Variants in YY1AP1 observed in about 807,000 individuals in gnomAD.
The protein encoded by YY1AP1 is YY1-associated protein 1.
In YY1AP1, 43 loss-of-function variants were observed where a neutral mutation model predicts 39.9. The observed-to-expected ratio is 1.08, with a 90% CI of 0.84 to 1.39. YY1AP1 has a LOEUF of 1.39. Ranked by LOEUF, YY1AP1 falls within the 40% of genes most tolerant of loss-of-function variation. The probability of loss-of-function intolerance (pLI) is 0.00; values close to 1 mark genes in which losing one functional copy is unlikely to be tolerated. For synonymous variants in YY1AP1, 292 were observed against 331.3 expected (o/e 0.88, Z 1.29); for missense variants, 813 against 900.7 (o/e 0.90, Z 1.25).
chr1:155,678,898 T>TA (rs1225053579), intron 4 of YY1AP1, among the ~76,000 whole-genome samples: 4 of 152,190 alleles, frequency 2.6e-5, no homozygotes, highest in African/African-American at 9.7e-5. Context: ...AGGAAAAAAT[T>TA]AAAGCCTCTA....
In YY1AP1 at chr1:155,661,338, C is replaced by G. The variant is rs953442771; in HGVS notation, c.965G>C (p.Arg322Thr). ...CCAGAATGGGAGCCGGTGTTCTTCT[C>G]TCTCTATAGGTGGCTTCCACTGATG... ...QPHQWKPPIE[R>T]EEHRLPFWLK... The change falls in exon 10 of 11, where the codon AGA becomes ACA. Residue 322 changes from arginine to threonine, a missense_variant. Arg to Thr is a moderately conservative substitution (Grantham distance 71). Around this residue, in one of 3 missense-constraint regions of YY1AP1, gnomAD observed 586 missense variants for 647.4 expected, o/e 0.91. Transcript: ENST00000355499. 1.9e-5 allele frequency: 30 copies of G among 1,613,904 alleles called. No individual in the cohort carries two copies. The highest frequency in any genetic ancestry group is 2.5e-5 in the Non-Finnish European group (30 of 1,179,852).
At chr1:155,680,036 G>C (rs34620961) in intron 3 of YY1AP1, 59,926 of 229,146 alleles carry the variant, frequency 0.26, 9,133 homozygotes, top group East Asian at 0.7. Context: ...AATTAGCCGG[G>C]CCTGTAGGTG....
intron 2 of YY1AP1, among the ~76,000 whole-genome samples, chr1:155,685,006 C>T (rs533267454): frequency 9.2e-5 from 14 of 152,094 alleles, no homozygotes; most frequent in African/African-American, 3.4e-4. Context: ...GTATGTATAC[C>T]CAAAAATGAC....
intron 9 of YY1AP1, among the ~76,000 whole-genome samples, chr1:155,661,820 T>G (rs1315205544): frequency 6.6e-6 from 1 of 152,132 alleles, no homozygotes; most frequent in African/African-American, 2.4e-5. Flanking sequence ...CACACCCGGC[T>G]GATTTTTTTG....
intron 4 of YY1AP1, 89 bp downstream of exon 4, chr1:155,679,320 A>T (rs1463562612): frequency 6.3e-7 from 1 of 1,585,860 alleles, no homozygotes; most frequent in Non-Finnish European, 8.6e-7. Context: ...CTGGCTGGGG[A>T]TGAAAAATTG....
At chr1:155,678,360 A>C (rs1427664985) in intron 4 of YY1AP1, among the ~76,000 whole-genome samples, 2 of 152,350 alleles carry the variant, frequency 1.3e-5, no homozygotes, top group Non-Finnish European at 2.9e-5. Flanking sequence ...GAATACCAGA[A>C]GGTAACTGGA....
Position 155,675,059 on chromosome 1 carries a change from G to A in YY1AP1, c.362C>T (p.Thr121Ile). ...QLLTQIHLLA[T>I]CNPNLNPEAS... ...CTCCGGATTGAGATTGGGGTTGCAG[G>A]TGGCAAGAAGGTGGATTTGTGTCAA... The change falls in exon 6 of 11, where the codon ACC becomes ATC. Residue 121 changes from threonine (T) to isoleucine (I), a missense_variant. Thr to Ile is a moderately conservative substitution (Grantham distance 89). Transcript: ENST00000355499. 6.2e-7 allele frequency: 1 copy of A among 1,613,858 alleles called. No homozygotes were observed. Among genetic ancestry groups the A allele is most frequent in the Non-Finnish European group, 8.5e-7 (1 of 1,179,840 alleles).
At chr1:155,666,999 C>CA (rs141699796) in intron 9 of YY1AP1, among the ~76,000 whole-genome samples, 2,628 of 151,512 alleles carry the variant, frequency 0.017, 87 homozygotes, top group African/African-American at 0.061. Flanking sequence ...GATTCTGTCT[C>CA]AAAAAAATAA....
At chr1:155,673,760 C>T (rs1650198258) in intron 6 of YY1AP1, among the ~76,000 whole-genome samples, 1 of 151,660 alleles carries the variant, frequency 6.6e-6, no homozygotes. Context: ...ACTATGTTGC[C>T]CAGGCTGGTC....
Position 155,659,886 on chromosome 1 carries a change from A to G in YY1AP1, c.2024T>C (p.Val675Ala). ...SPLSATVFPK[V>A]EHSPGPPPVD... ...TGGTGGAGGCCCTGGGCTATGTTCC[A>G]CTTTGGGGAAAACAGTAGCAGAGAG... Residue 675 changes from valine to alanine, a missense_variant, in exon 11 of 11, where the codon GTG becomes GCG. Val to Ala is a moderately conservative substitution (Grantham distance 64, BLOSUM62 0). Coordinates refer to ENST00000355499, the MANE Select transcript of YY1AP1 (RefSeq NM_139119.3). The G allele has an allele frequency of 6.2e-7, 1 of 1,614,164 alleles. No homozygotes were observed. Among genetic ancestry groups the G allele is most frequent in the East Asian group, 2.2e-5 (1 of 44,896 alleles).
chr1:155,679,691 A>G (rs1651250817), intron 3 of YY1AP1, 179 bp from the exon 4 acceptor site: 4 of 985,452 alleles, frequency 4.1e-6, no homozygotes, highest in Non-Finnish European at 4.8e-6. Context: ...TGGAATGACT[A>G]TTATGCCAGG....
intron 2 of YY1AP1, among the ~76,000 whole-genome samples, chr1:155,684,219 G>C (rs531045941): frequency 6.6e-6 from 1 of 152,262 alleles, no homozygotes; most frequent in South Asian, 2.1e-4. Flanking sequence ...TTGTACTCCA[G>C]CCTGGGCGAG....
At chr1:155,672,852 C>T (rs1571339530) in intron 6 of YY1AP1, 121 bp from the exon 7 acceptor site, 1 of 1,365,240 alleles carries the variant, frequency 7.3e-7, no homozygotes, top group Non-Finnish European at 1.0e-6. Context: ...TAAAAATAAT[C>T]ATAAAGTCTT....
intron 2 of YY1AP1, among the ~76,000 whole-genome samples, chr1:155,682,607 T>C (rs6672128): frequency 0.38 from 57,960 of 151,028 alleles, 13,024 homozygotes; most frequent in East Asian, 0.69. Context: ...GTGATCCACC[T>C]GCCTCAGCCT....
Position 155,659,925 on chromosome 1 carries a change from T to C in YY1AP1, c.1985A>G (p.Gln662Arg). ...FQGLEPKLEP[Q>R]ELSPLSATVF... Reference sequence around the variant, plus strand: ...AGTAGCAGAGAGAGGAGATAGTTCCTGGGGCTCTAATTTGGGTTCTAGGCC... The same window carrying C: ...AGTAGCAGAGAGAGGAGATAGTTCCCGGGGCTCTAATTTGGGTTCTAGGCC... The change falls in exon 11 of 11, where the codon CAG becomes CGG. Residue 662 changes from glutamine to arginine, a missense_variant. Around this residue, in one of 3 missense-constraint regions of YY1AP1, gnomAD observed 586 missense variants for 647.4 expected, o/e 0.91. Transcript: ENST00000355499. 6.2e-7 allele frequency: 1 copy of C among 1,614,240 alleles called. No individual in the cohort carries two copies. The highest frequency in any genetic ancestry group is 8.5e-7 in the Non-Finnish European group (1 of 1,180,042).
intron 5 of YY1AP1, among the ~76,000 whole-genome samples, chr1:155,675,867 C>T (rs113334800): frequency 0.037 from 5,623 of 152,230 alleles, 149 homozygotes; most frequent in Non-Finnish European, 0.049. Context: ...CAGACATGTT[C>T]CCTTGAACAA....
chr1:155,678,460 C>T (rs945867446), intron 4 of YY1AP1, among the ~76,000 whole-genome samples: 3 of 152,142 alleles, frequency 2.0e-5, no homozygotes, highest in Non-Finnish European at 4.4e-5. Flanking sequence ...ATTTATTAAT[C>T]AGATCCTATT....
chr1:155,670,415 T>C lies in YY1AP1; in HGVS notation c.633A>G (p.Thr211=), dbSNP rs1042846364. Residue 211 remains threonine, a synonymous_variant, in exon 8 of 11, where the codon ACA becomes ACG. Coordinates refer to ENST00000355499, the MANE Select transcript of YY1AP1 (RefSeq NM_139119.3). ...ACTCTGGATACATGAAAACCTTGCT[T>C]GTGGCCAGGATCCAAGCCACTTGCT... ...LPKQVAWILA[T]SKVFMYPELL... The C allele has an allele frequency of 6.2e-7, 1 of 1,614,190 alleles. No individual in the cohort carries two copies. Among genetic ancestry groups the C allele is most frequent in the Admixed American group, 1.7e-5 (1 of 60,022 alleles).
At chr1:155,680,535 A>G in intron 2 of YY1AP1, 79 bp from the exon 3 acceptor site, 2 of 1,286,490 alleles carry the variant, frequency 1.6e-6, no homozygotes, top group Non-Finnish European at 2.3e-6. Flanking sequence ...ACAATGTATG[A>G]TGTTTTCAAC....
Sources: gnomAD v4.1 joint callset for allele counts (sites outside exome capture counted in the v4.1 genomes callset) on GRCh38, gnomAD v4.1.1 for gene constraint, gnomAD v4.1.1 regional missense constraint, MANE v1.5 for transcripts, NCBI Gene and HGNC (gene_info 2026-07-23, HGNC 2026-07-21) for gene names.